The following RPF1 variants were observed in gnomAD, a reference collection of about 807,000 sequenced individuals.
RPF1 encodes the protein ribosome production factor 1 homolog.
A neutral mutation model predicts 41.9 loss-of-function variants in RPF1; 34 were observed. The ratio of observed to expected loss-of-function variants is 0.81; its 90% CI spans 0.62 to 1.08. RPF1 has a LOEUF of 1.08. Ranked by LOEUF, RPF1 falls within the 50% of genes least tolerant of loss-of-function variation. The pLI is 0.00. For missense variants in RPF1, 425 were observed against 435.2 expected (o/e 0.98, Z 0.21); for synonymous variants, 140 against 148.9 (o/e 0.94, Z 0.43).
chr1:84,497,403 T>G, intron 8 of RPF1, 26 bp from the exon 9 acceptor site: 1 of 1,598,736 alleles, frequency 6.3e-7, no homozygotes, highest in Non-Finnish European at 8.6e-7. Flanking sequence ...GTTTTCTTCC[T>G]CCACTCCCTT....
intron 4 of RPF1, 89 bp from the exon 5 acceptor site, chr1:84,490,227 AATT>A (rs1681807580): frequency 1.3e-5 from 10 of 797,332 alleles, no homozygotes; most frequent in Admixed American, 3.4e-5. Flanking sequence ...TAATCATAAT[AATT>A]ATTATTTCTT....
intron 8 of RPF1, 25 bp from the exon 9 acceptor site, chr1:84,497,404 C>A (rs1212692895): frequency 4.4e-6 from 7 of 1,600,022 alleles, no homozygotes; most frequent in Non-Finnish European, 6.0e-6. Flanking sequence ...TTTTCTTCCT[C>A]CACTCCCTTG....
chr1:84,489,264 T>C (rs1681789867), intron 3 of RPF1, among the ~76,000 whole-genome samples: 1 of 152,200 alleles, frequency 6.6e-6, no homozygotes, highest in South Asian at 2.1e-4. Flanking sequence ...AAGATTTGTC[T>C]TCTCGTAATT....
In RPF1 at chr1:84,482,963, G is replaced by A. The variant is rs1462596978; in HGVS notation, c.334G>A (p.Asp112Asn). The change falls in exon 3 of 9, where the codon GAT becomes AAT. Residue 112 changes from aspartate to asparagine, a missense_variant. Transcript: ENST00000370654. ...GACCATTGACAACCAGCGAGTGTAT[G>A]ATGAAACCACAGTAGACCCTAATGA... The part of the protein sequence containing the change: ...PKTIDNQRVY[D>N]ETTVDPNDEE... 1.9e-6 allele frequency: 3 copies of A among 1,611,112 alleles called. No homozygotes were observed. The highest frequency in any genetic ancestry group is 1.7e-6 in the Non-Finnish European group (2 of 1,177,352).
At chr1:84,489,875 T>C (rs1681801571) in intron 4 of RPF1, 147 bp downstream of exon 4, 8 of 600,222 alleles carry the variant, frequency 1.3e-5, no homozygotes, top group South Asian at 1.2e-4. Flanking sequence ...TCTGGTAATA[T>C]GATGTAGGTT....
Position 84,482,917 on chromosome 1 carries a change from T to C in RPF1, c.288T>C (p.Ala96=), listed in dbSNP as rs553966595. 3.1e-6 allele frequency: 5 copies of C among 1,601,104 alleles called. No homozygotes were observed. In the African/African-American group the frequency reaches 4.0e-5, roughly 13 times the overall value. Residue 96 remains alanine (A), a splice_region_variant and synonymous_variant, in exon 3 of 9, where the codon GCT becomes GCC. Coordinates refer to ENST00000370654, the MANE Select transcript of RPF1 (RefSeq NM_025065.7). ...KKEREALGDK[A]PPKPVPKTID... is the part of the protein sequence containing the mutation. ...GTAATCCCTTCTCTTTTACTTAGGCTCCACCAAAGCCTGTACCCAAGACCA... is the reference window on the plus strand; with the variant it reads ...GTAATCCCTTCTCTTTTACTTAGGCCCCACCAAAGCCTGTACCCAAGACCA...
intron 5 of RPF1, among the ~76,000 whole-genome samples, chr1:84,494,921 T>C (rs1163400390): frequency 6.6e-6 from 1 of 152,204 alleles, no homozygotes; most frequent in Non-Finnish European, 1.5e-5. Context: ...TATTCAAAGT[T>C]GACAGCATAT....
chr1:84,486,813 G>T (rs940791522), intron 3 of RPF1, among the ~76,000 whole-genome samples: 6 of 151,960 alleles, frequency 3.9e-5, no homozygotes, highest in African/African-American at 1.5e-4. Context: ...TTTCCCCTGG[G>T]TATATTTTGA....
In RPF1 at chr1:84,480,611, C is replaced by T. The variant is rs539233612; in HGVS notation, c.229-345C>T. On this transcript the variant is annotated intron_variant, in intron 1 of 8. Coordinates refer to ENST00000370654, the MANE Select transcript of RPF1 (RefSeq NM_025065.7). Reference sequence around the variant, plus strand: ...CATAACCATGGTCGTCTTTAGGATGCCACCAGTTAGGCAAAACAAAACACA... The same window carrying T: ...CATAACCATGGTCGTCTTTAGGATGTCACCAGTTAGGCAAAACAAAACACA... 2.0e-5 allele frequency among the ~76,000 whole-genome samples: 3 copies of T among 152,260 alleles called. No individual in the cohort carries two copies. In the South Asian group the frequency reaches 6.2e-4, roughly 32 times the overall value.
chr1:84,496,441 G>A, intron 8 of RPF1, 71 bp downstream of exon 8: 2 of 1,366,844 alleles, frequency 1.5e-6, no homozygotes, highest in African/African-American at 1.5e-5. Context: ...AGGAGAGAGA[G>A]CATCAGGAAT....
At chr1:84,479,577 G>A (rs912872597) in intron 1 of RPF1, 68 bp downstream of exon 1, 12 of 1,443,296 alleles carry the variant, frequency 8.3e-6, no homozygotes, top group Non-Finnish European at 1.2e-5. Flanking sequence ...GTCGCGGGGC[G>A]CACATCTGTG....
intron 3 of RPF1, among the ~76,000 whole-genome samples, chr1:84,484,659 C>T (rs2101883302): frequency 6.6e-6 from 1 of 151,816 alleles, no homozygotes; most frequent in South Asian, 2.1e-4. Flanking sequence ...GTGTCCCTTG[C>T]CTGAAATGCT....
intron 5 of RPF1, among the ~76,000 whole-genome samples, chr1:84,494,204 G>A (rs554457793): frequency 7.2e-4 from 110 of 152,298 alleles, no homozygotes; most frequent in Non-Finnish European, 1.4e-3. Context: ...TAATAATCTA[G>A]GTGGAAAATC....
chr1:84,497,440 G>A lies in RPF1; in HGVS notation c.1020G>A (p.Met340Ile). ...CTTTCCACTTTCAGCCCCGGGAAAT[G>A]GATACAAGTAGAAGAAAATTCCATT... Reference protein sequence around the residue: ...EYEWVHKPREMDTSRRKFHL With the variant: ...EYEWVHKPREIDTSRRKFHL Residue 340 changes from methionine (M) to isoleucine (I), a missense_variant, in exon 9 of 9, where the codon ATG becomes ATA. By Grantham distance (10) the Met-to-Ile change is conservative. Transcript: ENST00000370654. 1.2e-6 allele frequency: 2 copies of A among 1,611,252 alleles called. No individual in the cohort carries two copies. Among genetic ancestry groups the A allele is most frequent in the Non-Finnish European group, 1.7e-6 (2 of 1,178,504 alleles).
chr1:84,484,965 C>G (rs531973079), intron 3 of RPF1, among the ~76,000 whole-genome samples: 83 of 152,240 alleles, frequency 5.5e-4, no homozygotes, highest in South Asian at 2.9e-3. Context: ...AGCCACCGCA[C>G]TTAGCCAGAC....
intron 3 of RPF1, among the ~76,000 whole-genome samples, chr1:84,486,025 G>A (rs978915618): frequency 6.6e-6 from 1 of 152,154 alleles, no homozygotes; most frequent in South Asian, 2.1e-4. Context: ...CTTGAAGGAT[G>A]TGAGGAAATT....
chr1:84,485,558 G>C (rs1376772293), intron 3 of RPF1, among the ~76,000 whole-genome samples: 1 of 152,096 alleles, frequency 6.6e-6, no homozygotes, highest in Non-Finnish European at 1.5e-5. Flanking sequence ...TCAGGTTTTG[G>C]GTGTTTTTGG....
chr1:84,496,484 A>C (rs1285384970), intron 8 of RPF1, 114 bp downstream of exon 8: 1 of 881,020 alleles, frequency 1.1e-6, no homozygotes, highest in Non-Finnish European at 1.7e-6. Flanking sequence ...TACCTAGGTG[A>C]TGAAATGATC....
At chr1:84,492,521 A>G (rs34273700) in intron 5 of RPF1, among the ~76,000 whole-genome samples, 5 of 152,258 alleles carry the variant, frequency 3.3e-5, no homozygotes, top group South Asian at 4.1e-4. Flanking sequence ...TAGCCACTCA[A>G]TTTCCTCGTT....
Sources: allele counts gnomAD v4.1 joint callset (sites outside exome capture counted in the v4.1 genomes callset), GRCh38; gene constraint gnomAD v4.1.1; transcripts MANE v1.5; gene names NCBI Gene and HGNC (gene_info 2026-07-23, HGNC 2026-07-21).